SPHKAP: variants seen among roughly 807,000 people sequenced by gnomAD.
The protein encoded by SPHKAP is SPHK1 interactor, AKAP domain containing.
SPHKAP carries 67 observed loss-of-function variants against 137.5 expected under a neutral mutation model. The observed-to-expected ratio is 0.49, with a 90% CI of 0.40 to 0.60. SPHKAP has a LOEUF of 0.60. SPHKAP is among the 20% of genes least tolerant of loss of function. The pLI, the probability that SPHKAP is intolerant of heterozygous loss-of-function variation, is 0.00. For synonymous variants in SPHKAP, 813 were observed against 785.3 expected, an observed-to-expected ratio of 1.04 and a Z score of -0.59; for missense variants, 2,097 against 2,069.3, an observed-to-expected ratio of 1.01 and a Z score of -0.26.
intron 1 of SPHKAP, among the ~76,000 whole-genome samples, chr2:228,154,330 A>G (rs957787662): frequency 6.6e-6 from 1 of 151,502 alleles, no homozygotes; most frequent in South Asian, 2.1e-4. Context: ...CTTGTAAAGA[A>G]TATTAGGGAG....
intron 1 of SPHKAP, among the ~76,000 whole-genome samples, chr2:228,139,392 AG>A: frequency 1.3e-5 from 2 of 152,204 alleles, no homozygotes; most frequent in Non-Finnish European, 2.9e-5. Flanking sequence ...ACAATCAAAT[AG>A]TAAACTTCCT....
intron 7 of SPHKAP, among the ~76,000 whole-genome samples, chr2:228,000,344 C>T (rs1482742948): frequency 1.3e-5 from 2 of 150,688 alleles, no homozygotes; most frequent in Admixed American, 1.3e-4. Context: ...GTCGGCCGGG[C>T]ACGGTGGCTC....
At chr2:228,013,400 C>T (rs1410717242) in intron 7 of SPHKAP, among the ~76,000 whole-genome samples, 1 of 152,156 alleles carries the variant, frequency 6.6e-6, no homozygotes, top group African/African-American at 2.4e-5. Flanking sequence ...GTGCCCTCCA[C>T]CACACCTGGC....
chr2:228,144,429 G>A (rs941434195), intron 1 of SPHKAP, among the ~76,000 whole-genome samples: 1 of 151,778 alleles, frequency 6.6e-6, no homozygotes, highest in South Asian at 2.1e-4. Context: ...AATGTTTGTT[G>A]AATCAATGAG....
chr2:228,104,314 T>A (rs1350973655), intron 3 of SPHKAP, among the ~76,000 whole-genome samples: 1 of 145,018 alleles, frequency 6.9e-6, no homozygotes, highest in East Asian at 2.0e-4. Context: ...ATAATATTAA[T>A]AATATAATAT....
chr2:228,159,372 T>G (rs903252264), intron 1 of SPHKAP, among the ~76,000 whole-genome samples: 4 of 152,214 alleles, frequency 2.6e-5, no homozygotes, highest in Non-Finnish European at 5.9e-5. Flanking sequence ...TTAACTGGCC[T>G]TATCTAAAGG....
intron 1 of SPHKAP, among the ~76,000 whole-genome samples, chr2:228,166,717 C>T (rs1700432643): frequency 6.6e-6 from 1 of 152,108 alleles, no homozygotes; most frequent in East Asian, 1.9e-4. Context: ...TGATGAATGA[C>T]TATGATCTAT....
At chr2:228,083,324 T>C (rs1697423518) in intron 3 of SPHKAP, among the ~76,000 whole-genome samples, 1 of 152,250 alleles carries the variant, frequency 6.6e-6, no homozygotes, top group African/African-American at 2.4e-5. Flanking sequence ...AGTGTTCCTA[T>C]TTCTCCACAG....
chr2:228,015,070 TC>T (rs1462334154), intron 7 of SPHKAP, among the ~76,000 whole-genome samples: 1 of 70,488 alleles, frequency 1.4e-5, no homozygotes, highest in Non-Finnish European at 2.7e-5. Context: ...TCCCTCCCCC[TC>T]CCCCCTCCCC....
intron 1 of SPHKAP, among the ~76,000 whole-genome samples, chr2:228,176,914 A>G (rs979042804): frequency 6.6e-6 from 1 of 152,148 alleles, no homozygotes; most frequent in Admixed American, 6.5e-5. Context: ...ACAACAAAAC[A>G]AAAAACCAAA....
chr2:227,981,941 A>G, intron 11 of SPHKAP, 81 bp from the exon 12 acceptor site: 1 of 1,498,216 alleles, frequency 6.7e-7, no homozygotes. Context: ...TCGCGAAGCC[A>G]ATGGCTCTCC....
intron 3 of SPHKAP, among the ~76,000 whole-genome samples, chr2:228,035,907 T>G (rs1695570330): frequency 6.6e-6 from 1 of 151,798 alleles, no homozygotes; most frequent in Admixed American, 6.6e-5. Context: ...ACTTACATGT[T>G]AGACCTAAAA....
At chr2:228,157,585 C>T (rs1022620552) in intron 1 of SPHKAP, among the ~76,000 whole-genome samples, 7 of 152,060 alleles carry the variant, frequency 4.6e-5, no homozygotes, top group Admixed American at 1.3e-4. Context: ...TTTTAGTTGT[C>T]GTTTTTTTAA....
chr2:228,155,737 T>A (rs1700089724), intron 1 of SPHKAP, among the ~76,000 whole-genome samples: 1 of 152,214 alleles, frequency 6.6e-6, no homozygotes, highest in Non-Finnish European at 1.5e-5. Flanking sequence ...GACTTCCAGA[T>A]GTCTTAGTAC....
In SPHKAP at chr2:228,131,992, T is replaced by C. The variant is rs141467514; in HGVS notation, c.126A>G (p.Thr42=). 7.7e-5 allele frequency: 124 copies of C among 1,613,920 alleles called. No individual in the cohort carries two copies. Among genetic ancestry groups the C allele is most frequent in the African/African-American group, 4.0e-4 (30 of 74,920 alleles). The change falls in exon 2 of 12, where the codon ACA becomes ACG. Residue 42 remains threonine (T), a synonymous_variant. Coordinates refer to ENST00000392056, the MANE Select transcript of SPHKAP (RefSeq NM_001142644.2). ...SSGSGPGNSI[T]ACKKVLRSNS... Reference sequence around the variant, plus strand: ...AAGGCAAGGTTACCTTCTTACAGGCTGTGATGGAGTTCCCCGGGCCGCTTC... The same window carrying C: ...AAGGCAAGGTTACCTTCTTACAGGCCGTGATGGAGTTCCCCGGGCCGCTTC...
At chr2:228,001,912 T>C (rs1439118861) in intron 7 of SPHKAP, among the ~76,000 whole-genome samples, 1 of 152,230 alleles carries the variant, frequency 6.6e-6, no homozygotes, top group Non-Finnish European at 1.5e-5. Context: ...TCATTTTTTA[T>C]GGCTGCATAG....
chr2:228,063,798 G>A (rs1411316100), intron 3 of SPHKAP, among the ~76,000 whole-genome samples: 1 of 152,192 alleles, frequency 6.6e-6, no homozygotes, highest in Non-Finnish European at 1.5e-5. Context: ...TTAATTGCCA[G>A]TATGACTGGT....
At chr2:227,991,734 C>G in intron 9 of SPHKAP, 1 of 950,762 alleles carries the variant, frequency 1.1e-6, no homozygotes, top group Non-Finnish European at 1.3e-6. Flanking sequence ...ATCATATGTT[C>G]CCATCTTGTC....
chr2:227,990,868 C>G (rs1350385192), intron 11 of SPHKAP, 132 bp downstream of exon 11: 1 of 882,472 alleles, frequency 1.1e-6, no homozygotes, highest in African/African-American at 1.7e-5. Context: ...AATGTTCTAG[C>G]CGCAATTTTA....
Sources: gnomAD v4.1 joint callset for allele counts (sites outside exome capture counted in the v4.1 genomes callset) on GRCh38, gnomAD v4.1.1 for gene constraint, MANE v1.5 for transcripts, NCBI Gene and HGNC (gene_info 2026-07-23, HGNC 2026-07-21) for gene names.